Variants in PLCL1 observed in about 807,000 individuals in gnomAD.
PLCL1 encodes the protein inactive phospholipase C-like protein 1.
In PLCL1, 41 loss-of-function variants were observed where a neutral mutation model predicts 84.4. That is an observed-to-expected ratio of 0.49 (90% CI 0.38 to 0.63). The LOEUF (loss-of-function observed/expected upper bound fraction) is 0.63. PLCL1 is among the 30% of genes least tolerant of loss of function. The probability of loss-of-function intolerance (pLI) is 0.00; values close to 1 mark genes in which losing one functional copy is unlikely to be tolerated. For synonymous variants in PLCL1, 490 were observed against 488.3 expected (o/e 1.00, Z -0.05); for missense variants, 1,206 against 1,367.8 (o/e 0.88, Z 1.87).
chr2:198,095,604 G>A (rs1693172048), intron 3 of PLCL1, among the ~76,000 whole-genome samples: 1 of 152,156 alleles, frequency 6.6e-6, no homozygotes, highest in African/African-American at 2.4e-5. Flanking sequence ...AGCAGGAGAT[G>A]TAACCTGGTG....
At chr2:197,828,345 T>A (rs1215456108) in intron 1 of PLCL1, among the ~76,000 whole-genome samples, 2 of 152,126 alleles carry the variant, frequency 1.3e-5, no homozygotes, top group Non-Finnish European at 2.9e-5. Context: ...TACCTTTGAG[T>A]TCAAAACTTG....
At position 197,819,884 on chromosome 2, in the gene PLCL1, ATGTG is replaced by A. The variant is rs57885218; in HGVS notation, c.240+14579_240+14582del. ...AGGAAGCCAAGGCTCACTATTATGC[ATGTG>A]TGTGTGTGTGTGTGTGTGTGTGTGT... is the stretch of plus-strand genomic sequence containing the variant. On this transcript the variant is annotated intron_variant, in intron 1 of 5. Coordinates refer to ENST00000428675, the MANE Select transcript of PLCL1 (RefSeq NM_006226.4). 6.1e-3 allele frequency among the ~76,000 whole-genome samples: 854 copies of A among 140,556 alleles called. 4 individuals are homozygous for A. The highest frequency in any genetic ancestry group is 0.015 in the African/African-American group (557 of 38,406). 92.2% of individuals were successfully genotyped at this position (140,556 alleles called of 152,430 possible).
chr2:197,905,692 T>A (rs1688368664), intron 1 of PLCL1, among the ~76,000 whole-genome samples: 1 of 151,540 alleles, frequency 6.6e-6, no homozygotes, highest in African/African-American at 2.4e-5. Flanking sequence ...ACCAACAGTG[T>A]AAAAGCGTTC....
At chr2:198,022,644 C>G (rs1691165923) in intron 1 of PLCL1, among the ~76,000 whole-genome samples, 1 of 152,138 alleles carries the variant, frequency 6.6e-6, no homozygotes, top group Admixed American at 6.5e-5. Flanking sequence ...AACTCCCATT[C>G]ACAATTGCTA....
intron 5 of PLCL1, among the ~76,000 whole-genome samples, chr2:198,144,798 T>G (rs957747994): frequency 2.0e-5 from 3 of 152,164 alleles, no homozygotes; most frequent in African/African-American, 7.2e-5. Flanking sequence ...TCTTTTTATC[T>G]GCGTTGCTTC....
At chr2:197,875,960 C>T (rs1037857782) in intron 1 of PLCL1, among the ~76,000 whole-genome samples, 10 of 152,130 alleles carry the variant, frequency 6.6e-5, no homozygotes, top group South Asian at 2.1e-4. Flanking sequence ...TTTAACATTC[C>T]TCTGTGCTGT....
chr2:198,032,706 A>G lies in PLCL1; in HGVS notation c.241-51052A>G, dbSNP rs185416116. Among the ~76,000 whole-genome samples the G allele has an allele frequency of 2.5e-3, 379 of 152,254 alleles. 1 individual carries two copies. The highest frequency in any genetic ancestry group is 8.6e-3 in the African/African-American group (356 of 41,546). Reference sequence around the variant, plus strand: ...CTGGAAATGGAAATCACTTTCTTAAATGGCTTTTGATTTGAAATTTTATTT... The same window carrying G: ...CTGGAAATGGAAATCACTTTCTTAAGTGGCTTTTGATTTGAAATTTTATTT... On this transcript the variant is annotated intron_variant, in intron 1 of 5. Coordinates refer to ENST00000428675, the MANE Select transcript of PLCL1 (RefSeq NM_006226.4).
chr2:198,075,956 T>C (rs1007246575), intron 1 of PLCL1, among the ~76,000 whole-genome samples: 5 of 152,322 alleles, frequency 3.3e-5, no homozygotes, highest in African/African-American at 4.8e-5. Flanking sequence ...AAATAATCCA[T>C]TGGATGTGTA....
At chr2:198,032,856 T>C (rs1691459816) in intron 1 of PLCL1, among the ~76,000 whole-genome samples, 1 of 152,204 alleles carries the variant, frequency 6.6e-6, no homozygotes, top group Non-Finnish European at 1.5e-5. Flanking sequence ...TGCATGTGTT[T>C]ATTCCACCCC....
chr2:197,948,738 T>C (rs1431803827), intron 1 of PLCL1, among the ~76,000 whole-genome samples: 1 of 152,194 alleles, frequency 6.6e-6, no homozygotes, highest in Non-Finnish European at 1.5e-5. Flanking sequence ...TCATATTGTA[T>C]AGGGAACATC....
At position 197,805,337 on chromosome 2, in the gene PLCL1, A is replaced by C; in HGVS notation, c.238A>C (p.Lys80Gln). 1 of 1,329,422 alleles carries C rather than the reference A, an allele frequency of 7.5e-7. No individual in the cohort carries two copies. The highest frequency in any genetic ancestry group is 9.6e-7 in the Non-Finnish European group (1 of 1,045,896). 82.4% of individuals were successfully genotyped at this position (1,329,422 alleles called of 1,614,324 possible). Residue 80 changes from lysine (K) to glutamine (Q), a missense_variant and splice_region_variant, in exon 1 of 6, where the codon AAG becomes CAG. By Grantham distance (53) the Lys-to-Gln change is moderately conservative. Coordinates refer to ENST00000428675, the MANE Select transcript of PLCL1 (RefSeq NM_006226.4). This position sits in a 1 kb window ranked among gnomAD's most constrained non-coding sequence, Gnocchi z 4.0. ...GACCCCCCGGCGCAGCAGCATCATC[A>C]AGGTAAGCAAAGCCGCGCCGCACCG... is the stretch of plus-strand genomic sequence containing the variant. ...RATPRRSSII[K>Q]DPSNQKCGGR... is the part of the protein sequence containing the mutation.
chr2:197,832,891 A>C (rs1342166178), intron 1 of PLCL1, among the ~76,000 whole-genome samples: 1 of 152,258 alleles, frequency 6.6e-6, no homozygotes, highest in Non-Finnish European at 1.5e-5. Flanking sequence ...AACAGAATCA[A>C]TGACAAAAAA....
chr2:197,912,532 T>C (rs930386952), intron 1 of PLCL1, among the ~76,000 whole-genome samples: 1 of 150,960 alleles, frequency 6.6e-6, no homozygotes, highest in African/African-American at 2.4e-5. Context: ...TAGCAAAGAC[T>C]TGGAACCAAC....
rs1284832874 is a variant in PLCL1 at position 197,906,247 on chromosome 2, G to C, written c.240+100908G>C. 2.0e-5 allele frequency among the ~76,000 whole-genome samples: 3 copies of C among 152,024 alleles called. No individual in the cohort carries two copies. In the East Asian group the frequency reaches 5.8e-4, roughly 29 times the overall value. On this transcript the variant is annotated intron_variant, in intron 1 of 5. Coordinates refer to ENST00000428675, the MANE Select transcript of PLCL1 (RefSeq NM_006226.4). Reference sequence around the variant, plus strand: ...CATCTTGAGTTAATTTTTGTGTAAGGTGTAAGGAAGGGGCCCAGTTTCAGT... The same window carrying C: ...CATCTTGAGTTAATTTTTGTGTAAGCTGTAAGGAAGGGGCCCAGTTTCAGT...
At chr2:197,815,073 C>T (rs1690661301) in intron 1 of PLCL1, among the ~76,000 whole-genome samples, 1 of 152,140 alleles carries the variant, frequency 6.6e-6, no homozygotes, top group Non-Finnish European at 1.5e-5. Context: ...ATGAAGCCGG[C>T]TACACTAAAA....
chr2:197,850,554 G>C (rs1300198131), intron 1 of PLCL1, among the ~76,000 whole-genome samples: 1 of 152,108 alleles, frequency 6.6e-6, no homozygotes, highest in Non-Finnish European at 1.5e-5. Flanking sequence ...GGAGGGTTCA[G>C]TACTTGATAA....
intron 1 of PLCL1, among the ~76,000 whole-genome samples, chr2:197,807,234 C>T (rs993237713): frequency 2.6e-5 from 4 of 152,098 alleles, no homozygotes; most frequent in Non-Finnish European, 4.4e-5. Context: ...TTATGTAGTC[C>T]ACCCTCATAG....
chr2:197,839,472 C>T (rs981340565), intron 1 of PLCL1, among the ~76,000 whole-genome samples: 11 of 152,154 alleles, frequency 7.2e-5, no homozygotes, highest in African/African-American at 2.4e-4. Context: ...CAATAAGATT[C>T]GAGCTCCTGT....
intron 1 of PLCL1, among the ~76,000 whole-genome samples, chr2:197,898,031 G>A (rs868272995): frequency 6.6e-6 from 1 of 152,172 alleles, no homozygotes; most frequent in African/African-American, 2.4e-5. Flanking sequence ...CACCATCTCC[G>A]TGTAGAGAAG....
Sources: gnomAD v4.1 joint callset for allele counts (sites outside exome capture counted in the v4.1 genomes callset) on GRCh38, gnomAD v4.1.1 for gene constraint, Gnocchi (gnomAD v3.1) non-coding constraint, MANE v1.5 for transcripts, NCBI Gene and HGNC (gene_info 2026-07-23, HGNC 2026-07-21) for gene names.